Variants in CLIC5 observed in about 807,000 individuals in gnomAD.
CLIC5 encodes CLIC family member 5, also known as chloride intracellular channel protein 5.
In CLIC5, 20 loss-of-function variants were observed where a neutral mutation model predicts 24.7. That is an observed-to-expected ratio of 0.81 (90% CI 0.57 to 1.18). The LOEUF is 1.18. Ranked by LOEUF, CLIC5 falls within the 50% of genes most tolerant of loss-of-function variation. The pLI is 0.00. For synonymous variants in CLIC5, 159 were observed against 135.6 expected (o/e 1.17, Z -1.20); for missense variants, 341 against 326.1 (o/e 1.05, Z -0.35).
chr6:46,012,904 G>A (rs908333934), intron 1 of CLIC5, among the ~76,000 whole-genome samples: 2 of 152,184 alleles, frequency 1.3e-5, no homozygotes, highest in Non-Finnish European at 2.9e-5. Flanking sequence ...TTATAAAGTT[G>A]CTGATGATCA....
At chr6:45,999,187 C>G (rs923029179) in intron 1 of CLIC5, among the ~76,000 whole-genome samples, 2 of 152,118 alleles carry the variant, frequency 1.3e-5, no homozygotes, top group African/African-American at 4.8e-5. Context: ...TTTATCCAAC[C>G]CTTTTATTTT....
At chr6:46,085,308 T>A (rs1289554004), upstream of CLIC5, among the ~76,000 whole-genome samples, 1 of 152,232 alleles carries the variant, frequency 6.6e-6, no homozygotes, top group Non-Finnish European at 1.5e-5. Context: ...TTTTTTCCAT[T>A]GCTGCTGAGG....
intron 3 of CLIC5, among the ~76,000 whole-genome samples, chr6:45,947,058 C>A (rs1278753162): frequency 6.6e-6 from 1 of 152,106 alleles, no homozygotes; most frequent in Non-Finnish European, 1.5e-5. Context: ...GAGGGAGGGT[C>A]CACATCCAGC....
the CLIC5 span, among the ~76,000 whole-genome samples, chr6:46,089,870 C>G: frequency 6.6e-6 from 1 of 152,138 alleles, no homozygotes; most frequent in Non-Finnish European, 1.5e-5. Flanking sequence ...TTTCTTTTAA[C>G]GACGCTGATA....
intron 1 of CLIC5, among the ~76,000 whole-genome samples, chr6:46,008,089 A>G (rs1331989617): frequency 1.3e-5 from 2 of 152,014 alleles, no homozygotes; most frequent in Non-Finnish European, 2.9e-5. Context: ...CTTTCTAAAC[A>G]TAACCCAAGT....
chr6:45,964,266 C>A (rs1764946130), intron 1 of CLIC5, among the ~76,000 whole-genome samples: 1 of 152,166 alleles, frequency 6.6e-6, no homozygotes, highest in South Asian at 2.1e-4. Flanking sequence ...TAGACTCATG[C>A]AAACCTGGGT....
chr6:46,068,755 A>G (rs554383494), intron 1 of CLIC5, among the ~76,000 whole-genome samples: 2 of 152,258 alleles, frequency 1.3e-5, no homozygotes, highest in East Asian at 3.9e-4. Context: ...AAACATGCAC[A>G]GGGGGAAGAC....
intron 1 of CLIC5, among the ~76,000 whole-genome samples, chr6:45,967,149 G>A (rs1237769204): frequency 2.0e-5 from 3 of 152,332 alleles, no homozygotes; most frequent in Non-Finnish European, 1.5e-5. Context: ...TTTCTTGGCT[G>A]CGTGGAGTAC....
chr6:45,907,824 T>C (rs1762704059), intron 5 of CLIC5, among the ~76,000 whole-genome samples: 1 of 152,202 alleles, frequency 6.6e-6, no homozygotes, highest in Non-Finnish European at 1.5e-5. Flanking sequence ...GTGAAGTCTG[T>C]AGGGTTTTCA....
In CLIC5 at chr6:45,903,152, C is replaced by G. The variant is rs1274508040; in HGVS notation, c.692G>C (p.Cys231Ser). ...CAACTCGATCTCACTGTCAGCTGCA[C>G]AGGTGTTGGTGAACTCATCACGGGC... ...AYARDEFTNT[C>S]AADSEIELAY... Residue 231 changes from cysteine (C) to serine (S), a missense_variant, in exon 6 of 6, where the codon TGT (cysteine) becomes TCT (serine). Transcript: ENST00000339561. The G allele has an allele frequency of 6.2e-7, 1 of 1,614,176 alleles. No homozygotes were observed. Among genetic ancestry groups the G allele is most frequent in the Admixed American group, 1.7e-5 (1 of 60,026 alleles).
chr6:45,883,201 T>C (rs182702131), intron 6 of CLIC5, among the ~76,000 whole-genome samples: 2 of 152,296 alleles, frequency 1.3e-5, no homozygotes, highest in East Asian at 1.9e-4. Flanking sequence ...GGGTGGAGCA[T>C]TGAGAAACAT....
At chr6:46,080,812 A>G (rs1397045529), upstream of CLIC5, among the ~76,000 whole-genome samples, 2 of 152,214 alleles carry the variant, frequency 1.3e-5, no homozygotes, top group Non-Finnish European at 2.9e-5. Context: ...TTCCATTTAC[A>G]TTTCTTATCT....
chr6:46,101,582 G>A, the CLIC5 span, among the ~76,000 whole-genome samples: 1 of 152,180 alleles, frequency 6.6e-6, no homozygotes, highest in African/African-American at 2.4e-5. Context: ...TAAAACAGAG[G>A]GGATTTCCTT....
chr6:46,098,092 G>A, the CLIC5 span, among the ~76,000 whole-genome samples: 11 of 152,124 alleles, frequency 7.2e-5, no homozygotes, highest in Non-Finnish European at 1.6e-4. Flanking sequence ...TTCTCTCCTG[G>A]TGATTTTAAT....
At chr6:45,889,833 G>T (rs560827194) in intron 6 of CLIC5, among the ~76,000 whole-genome samples, 25 of 152,276 alleles carry the variant, frequency 1.6e-4, no homozygotes, top group Admixed American at 1.4e-3. Flanking sequence ...AAAGACATCT[G>T]CAAGGATGTT....
At chr6:46,103,416 T>C in the CLIC5 span, among the ~76,000 whole-genome samples, 4 of 152,356 alleles carry the variant, frequency 2.6e-5, no homozygotes, top group East Asian at 5.8e-4. Context: ...TCTGCACTGA[T>C]GCAGCTAGGT....
chr6:45,975,699 A>C (rs1180116366), intron 1 of CLIC5, among the ~76,000 whole-genome samples: 1 of 152,198 alleles, frequency 6.6e-6, no homozygotes, highest in Non-Finnish European at 1.5e-5. Context: ...AGAACAAGAC[A>C]ATATGTTACC....
chr6:46,093,131 C>T, the CLIC5 span, among the ~76,000 whole-genome samples: 1 of 152,066 alleles, frequency 6.6e-6, no homozygotes, highest in African/African-American at 2.4e-5. Flanking sequence ...CCATGAAGCC[C>T]CATCTGTTCT....
chr6:45,950,762 A>G (rs563162020), intron 2 of CLIC5, among the ~76,000 whole-genome samples: 7 of 152,302 alleles, frequency 4.6e-5, no homozygotes, highest in East Asian at 1.9e-4. Flanking sequence ...ATGCTCCACC[A>G]TAGTCTACCT....
Sources: allele counts gnomAD v4.1 joint callset (sites outside exome capture counted in the v4.1 genomes callset), GRCh38; gene constraint gnomAD v4.1.1; transcripts MANE v1.5; gene names NCBI Gene and HGNC (gene_info 2026-07-23, HGNC 2026-07-21).